Variants in FOCAD observed in about 807,000 individuals in gnomAD.
FOCAD encodes the protein focadhesin.
In FOCAD, 198 loss-of-function variants were observed where a neutral mutation model predicts 225.6. The observed-to-expected ratio is 0.88, with a 90% confidence interval of 0.78 to 0.99. FOCAD has a LOEUF of 0.99. Among genes scored for constraint, FOCAD ranks in the 50% least tolerant of loss-of-function variants. FOCAD has a pLI of 0.00. For synonymous variants in FOCAD, 897 were observed against 755.0 expected, an observed-to-expected ratio of 1.19 and a Z score of -3.08; for missense variants, 2,713 against 2,123.6, an observed-to-expected ratio of 1.28 and a Z score of -5.46.
chr9:20,986,469 A>T lies in FOCAD; in HGVS notation c.4906+4A>T. On this transcript the variant is annotated splice_donor_region_variant and intron_variant, in intron 40 of 43. Coordinates refer to ENST00000338382, the MANE Select transcript of FOCAD (RefSeq NM_001375567.1). ...ATTGTGAGCCATGCCAATACGGGTG[A>T]GGACACCCTGGGGTGAACATCAGAA... The T allele has an allele frequency of 6.2e-7, 1 of 1,603,850 alleles. No individual in the cohort carries two copies. The highest frequency in any genetic ancestry group is 8.5e-7 in the Non-Finnish European group (1 of 1,176,052).
At chr9:20,826,636 A>G (rs1343007243) in intron 15 of FOCAD, among the ~76,000 whole-genome samples, 1 of 152,056 alleles carries the variant, frequency 6.6e-6, no homozygotes, top group Non-Finnish European at 1.5e-5. Flanking sequence ...CCTAATTAAT[A>G]TAAGTACCTA....
intron 33 of FOCAD, 26 bp downstream of exon 33, chr9:20,949,701 G>C (rs373934285): frequency 1.9e-6 from 3 of 1,570,826 alleles, no homozygotes; most frequent in Non-Finnish European, 2.6e-6. Context: ...TAAAATCCTT[G>C]GGTGGAAAAC....
intron 15 of FOCAD, among the ~76,000 whole-genome samples, chr9:20,845,819 A>G (rs9298811): frequency 0.55 from 82,757 of 151,680 alleles, 22,825 homozygotes; most frequent in East Asian, 0.67. Flanking sequence ...TGACCATTGT[A>G]ACTAAATTTC....
At chr9:20,970,373 C>T (rs981979459) in intron 35 of FOCAD, among the ~76,000 whole-genome samples, 16 of 151,886 alleles carry the variant, frequency 1.1e-4, no homozygotes, top group African/African-American at 2.2e-4. Flanking sequence ...TCATACTTTT[C>T]GTCTTTCTTT....
In FOCAD at chr9:20,695,355, C is replaced by G. The variant is rs150370597; in HGVS notation, c.-33+11062C>G. Reference sequence around the variant, plus strand: ...ATCCCTCTAATATAAAGTTCCCTATCTTCCTTTAACTTAATATTTTTAGCC... The same window carrying G: ...ATCCCTCTAATATAAAGTTCCCTATGTTCCTTTAACTTAATATTTTTAGCC... On this transcript the variant is annotated intron_variant, in intron 1 of 43. Transcript: ENST00000338382. 7.2e-3 allele frequency among the ~76,000 whole-genome samples: 1,092 copies of G among 152,276 alleles called. 8 individuals are homozygous for G. Among genetic ancestry groups the G allele is most frequent in the Middle Eastern group, 0.02 (6 of 294 alleles).
chr9:20,926,532 C>G (rs1431119770), intron 26 of FOCAD, 115 bp downstream of exon 26: 4 of 669,584 alleles, frequency 6.0e-6, no homozygotes, highest in African/African-American at 1.8e-5. Flanking sequence ...GCCTGTAATC[C>G]CAGCACTTTG....
intron 5 of FOCAD, among the ~76,000 whole-genome samples, chr9:20,749,956 G>A: frequency 6.6e-6 from 1 of 152,102 alleles, no homozygotes; most frequent in South Asian, 2.1e-4. Context: ...GGGGAACCAT[G>A]CATTTATCAT....
At chr9:20,756,162 AG>A (rs1415607890) in intron 5 of FOCAD, among the ~76,000 whole-genome samples, 4 of 152,112 alleles carry the variant, frequency 2.6e-5, no homozygotes, top group African/African-American at 9.7e-5. Flanking sequence ...ACGATTTCTG[AG>A]TTTTGGCATA....
At chr9:20,747,028 G>A (rs892300944) in intron 5 of FOCAD, among the ~76,000 whole-genome samples, 1 of 152,134 alleles carries the variant, frequency 6.6e-6, no homozygotes, top group Admixed American at 6.6e-5. Flanking sequence ...GGTAGTGTGT[G>A]GTTTCTGTAC....
intron 5 of FOCAD, among the ~76,000 whole-genome samples, chr9:20,755,954 C>G (rs1336083580): frequency 6.6e-6 from 1 of 152,108 alleles, no homozygotes. Flanking sequence ...ATCACTGCTA[C>G]TGGCCTGTTT....
At chr9:20,676,996 A>G (rs547172820) in intron 2 of FOCAD, among the ~76,000 whole-genome samples, 8 of 152,346 alleles carry the variant, frequency 5.3e-5, no homozygotes, top group Non-Finnish European at 1.0e-4. Context: ...GTACATGACA[A>G]TGCTACACTA....
intron 15 of FOCAD, among the ~76,000 whole-genome samples, chr9:20,848,573 CAG>C (rs1299050442): frequency 2.0e-5 from 3 of 151,886 alleles, no homozygotes; most frequent in Admixed American, 6.6e-5. Context: ...AAGCTAAGGT[CAG>C]AGAGAGCTGC....
intron 5 of FOCAD, among the ~76,000 whole-genome samples, chr9:20,746,341 T>C (rs1490314438): frequency 6.6e-6 from 1 of 152,052 alleles, no homozygotes; most frequent in Non-Finnish European, 1.5e-5. Context: ...TGGAGTTTAG[T>C]GCTCTAGGGA....
Position 20,815,123 on chromosome 9 carries a change from G to GTGTTTTTTTTTTTTTTTTTTT in FOCAD, c.1456-4672_1456-4671insGTTTTTTTTTTTTTTTTTTTT, listed in dbSNP as rs1564024181. On this transcript the variant is annotated intron_variant, in intron 11 of 43. Coordinates refer to ENST00000338382, the MANE Select transcript of FOCAD (RefSeq NM_001375567.1). ...TCTGGAAATATCATTACTTCTCTTTGTTTTTTTTTTTTTGTTTTTTTTTTT... is the reference window on the plus strand; with the variant it reads ...TCTGGAAATATCATTACTTCTCTTTGTGTTTTTTTTTTTTTTTTTTTTTTTTTTTTTTTTGTTTTTTTTTTT... Among the ~76,000 whole-genome samples the GTGTTTTTTTTTTTTTTTTTTT allele has an allele frequency of 1.5e-3, 130 of 85,382 alleles. 23 individuals are homozygous for GTGTTTTTTTTTTTTTTTTTTT. Among genetic ancestry groups the GTGTTTTTTTTTTTTTTTTTTT allele is most frequent in the Middle Eastern group, 8.5e-3 (1 of 118 alleles). 56.0% of individuals were successfully genotyped at this position (85,382 alleles called of 152,430 possible).
chr9:20,993,044 G>A (rs1841801023), intron 42 of FOCAD, among the ~76,000 whole-genome samples: 2 of 152,092 alleles, frequency 1.3e-5, no homozygotes, highest in Admixed American at 6.5e-5. Flanking sequence ...TAACTAAATG[G>A]GAGCTGTATC....
intron 35 of FOCAD, among the ~76,000 whole-genome samples, chr9:20,957,885 A>AG (rs900318825): frequency 7.9e-5 from 12 of 151,930 alleles, no homozygotes; most frequent in African/African-American, 2.9e-4. Flanking sequence ...TCAGTAATGT[A>AG]GTGAGCAGGA....
chr9:20,791,237 TCACA>T (rs10652100), intron 11 of FOCAD, among the ~76,000 whole-genome samples: 31 of 148,592 alleles, frequency 2.1e-4, no homozygotes, highest in African/African-American at 6.5e-4. Context: ...ACACACACAC[TCACA>T]CACACACACA....
At chr9:20,785,864 T>C (rs1819871241) in intron 10 of FOCAD, among the ~76,000 whole-genome samples, 1 of 152,198 alleles carries the variant, frequency 6.6e-6, no homozygotes, top group Admixed American at 6.5e-5. Flanking sequence ...CTATTCTATA[T>C]TCCCACCAGC....
At chr9:20,906,322 ACT>A (rs538195914) in intron 21 of FOCAD, among the ~76,000 whole-genome samples, 2 of 148,272 alleles carry the variant, frequency 1.3e-5, no homozygotes, top group African/African-American at 2.5e-5. Flanking sequence ...TTTCTCTCTC[ACT>A]CTCTCTCTTT....
Sources: gnomAD v4.1 joint callset for allele counts (sites outside exome capture counted in the v4.1 genomes callset) on GRCh38, gnomAD v4.1.1 for gene constraint, MANE v1.5 for transcripts, NCBI Gene and HGNC (gene_info 2026-07-23, HGNC 2026-07-21) for gene names.